Variants in ITPR3 observed in about 807,000 individuals in gnomAD.
ITPR3 encodes inositol 1,4,5-trisphosphate receptor type 3.
A neutral mutation model predicts 293.2 loss-of-function variants in ITPR3; 173 were observed. The observed-to-expected ratio is 0.59, with a 90% CI of 0.52 to 0.67. The LOEUF is 0.67. ITPR3 is among the 30% of genes least tolerant of loss of function. The pLI is 0.00. For missense variants in ITPR3, 2,796 were observed against 3,592.1 expected, an observed-to-expected ratio of 0.78 and a Z score of 5.66; for synonymous variants, 1,295 against 1,444.4, an observed-to-expected ratio of 0.90 and a Z score of 2.35.
At chr6:33,674,300 G>A (rs756890279) in intron 24 of ITPR3, 35 bp downstream of exon 24, 5 of 1,607,058 alleles carry the variant, frequency 3.1e-6, no homozygotes, top group Middle Eastern at 3.3e-4. Context: ...GGTGTGTGGG[G>A]TTGGGAGGCT....
At chr6:33,657,084 C>T (rs533741291) in intron 3 of ITPR3, among the ~76,000 whole-genome samples, 40 of 152,332 alleles carry the variant, frequency 2.6e-4, no homozygotes, top group African/African-American at 9.1e-4. Flanking sequence ...CACACAGCCA[C>T]ATGCTGTTGC....
At position 33,683,476 on chromosome 6, in the gene ITPR3, T is replaced by C; in HGVS notation, c.4788+79T>C. 1 of 1,212,270 alleles carries C rather than the reference T, an allele frequency of 8.2e-7. No individual in the cohort carries two copies. The allele number at this position is 1,212,270 out of a possible 1,614,324, so 75.1% of individuals were successfully genotyped here. A position where few individuals can be genotyped will look rare whatever the true frequency, so the allele number is the denominator to read the frequency against. Reference sequence around the variant, plus strand: ...AGCTCCCCTACTTTGGAGGGGCAAGTTCTCGGGGAGTGTTTCTTCCTGTCC... The same window carrying C: ...AGCTCCCCTACTTTGGAGGGGCAAGCTCTCGGGGAGTGTTTCTTCCTGTCC... On this transcript the variant is annotated intron_variant, in intron 35 of 57. Coordinates refer to ENST00000605930, the MANE Select transcript of ITPR3 (RefSeq NM_002224.4). The surrounding 1 kb of genome is among the most constrained non-coding windows in gnomAD (Gnocchi z 4.5).
rs1387415443 is a variant in ITPR3 at position 33,670,088 on chromosome 6, G to A, written c.2190-237G>A. On this transcript the variant is annotated intron_variant, in intron 18 of 57. Transcript: ENST00000605930. The surrounding 1 kb of genome is among the most constrained non-coding windows in gnomAD (Gnocchi z 6.7). ...CCACCCTTTCCCTCATCTTTCAGAC[G>A]TCCCTCTTCCCATGAAGACCTGTCC... Among the ~76,000 whole-genome samples the A allele has an allele frequency of 1.3e-5, 2 of 151,594 alleles. No individual in the cohort carries two copies. The highest frequency in any genetic ancestry group is 1.9e-4 in the East Asian group (1 of 5,160).
chr6:33,671,095 TG>T (rs1462036445), intron 20 of ITPR3, 69 bp from the exon 21 acceptor site: 30 of 1,593,406 alleles, frequency 1.9e-5, no homozygotes, highest in Non-Finnish European at 2.4e-5. Context: ...AGTCCTGGCC[TG>T]CCCTCCACGA....
intron 25 of ITPR3, 144 bp from the exon 26 acceptor site, chr6:33,676,624 A>G (rs971297002): frequency 1.5e-4 from 149 of 976,686 alleles, no homozygotes; most frequent in Non-Finnish European, 2.6e-5. Flanking sequence ...AGAGCCAGAA[A>G]CATTGAGTGG....
Position 33,633,394 on chromosome 6 carries a change from C to G in ITPR3, c.90-7090C>G, listed in dbSNP as rs1763729127. Among the ~76,000 whole-genome samples the G allele has an allele frequency of 6.6e-6, 1 of 152,186 alleles. No homozygotes were observed. Among genetic ancestry groups the G allele is most frequent in the South Asian group, 2.1e-4 (1 of 4,830 alleles). On this transcript the variant is annotated intron_variant, in intron 1 of 57. Transcript: ENST00000605930. The surrounding 1 kb of genome is among the most constrained non-coding windows in gnomAD (Gnocchi z 5.2). ...TAGAGCGCGGCTCTGGTTTCAGCGC[C>G]CGGTGCGCACTCAGCAGGGCACCTG...
chr6:33,677,383 G>T (rs535991185), intron 27 of ITPR3, 121 bp from the exon 28 acceptor site: 12 of 1,385,732 alleles, frequency 8.7e-6, no homozygotes, highest in Non-Finnish European at 1.2e-5. Context: ...CTGATTCAGC[G>T]CCTGTGACCT....
Position 33,682,754 on chromosome 6 carries a change from C to T in ITPR3, c.4597+110C>T. 1 of 1,373,804 alleles carries T rather than the reference C, an allele frequency of 7.3e-7. No homozygotes were observed. The highest frequency in any genetic ancestry group is 9.6e-7 in the Non-Finnish European group (1 of 1,043,028). 85.1% of individuals were successfully genotyped at this position (1,373,804 alleles called of 1,614,324 possible). A position where few individuals can be genotyped will look rare whatever the true frequency, so the allele number is the denominator to read the frequency against. ...TATCCCTAAGCTCGCCCATCTCCTG[C>T]TCCCAGGTGGTTGTCAGTAAGTTCT... is the stretch of plus-strand genomic sequence containing the variant. On this transcript the variant is annotated intron_variant, in intron 34 of 57. Coordinates refer to ENST00000605930, the MANE Select transcript of ITPR3 (RefSeq NM_002224.4). This position sits in a 1 kb window ranked among gnomAD's most constrained non-coding sequence, Gnocchi z 5.4.
chr6:33,662,895 A>T lies in ITPR3; in HGVS notation c.859-16A>T, dbSNP rs199662702. 3.2e-6 allele frequency: 5 copies of T among 1,575,084 alleles called. No homozygotes were observed. On this transcript the variant is annotated splice_polypyrimidine_tract_variant and intron_variant, in intron 8 of 57. Transcript: ENST00000605930. ...GTCCAGTCTCTCCTTCCTGCCTCACACCTGTGTGCCCCTAGGTGGTCCACC... is the reference window on the plus strand; with the variant it reads ...GTCCAGTCTCTCCTTCCTGCCTCACTCCTGTGTGCCCCTAGGTGGTCCACC...
In ITPR3 at chr6:33,658,141, G is replaced by A. The variant is rs1190888830; in HGVS notation, c.369+123G>A. On this transcript the variant is annotated intron_variant, in intron 4 of 57. Coordinates refer to ENST00000605930, the MANE Select transcript of ITPR3 (RefSeq NM_002224.4). This position sits in a 1 kb window ranked among gnomAD's most constrained non-coding sequence, Gnocchi z 6.1. ...CATGTGTGTCCCCGGGTGAATGAGTGGCCCTGGGGCCACCTGTGTGGCTGT... is the reference window on the plus strand; with the variant it reads ...CATGTGTGTCCCCGGGTGAATGAGTAGCCCTGGGGCCACCTGTGTGGCTGT... 2 of 785,782 alleles carry A rather than the reference G, an allele frequency of 2.5e-6. No individual in the cohort carries two copies. The highest frequency in any genetic ancestry group is 2.1e-5 in the Admixed American group (1 of 48,622). 48.7% of individuals were successfully genotyped at this position (785,782 alleles called of 1,614,324 possible). A position where few individuals can be genotyped will look rare whatever the true frequency, so the allele number is the denominator to read the frequency against.
Position 33,664,851 on chromosome 6 carries a change from C to G in ITPR3, c.1149-19C>G, listed in dbSNP as rs372125305. The G allele has an allele frequency of 6.2e-7, 1 of 1,611,042 alleles. No individual in the cohort carries two copies. Among genetic ancestry groups the G allele is most frequent in the Admixed American group, 1.7e-5 (1 of 59,948 alleles). ...CTGTGGTGCACTCCCCGAGTCCTTT[C>G]CCTCCCACCCACCTGCAGGAACTCG... On this transcript the variant is annotated intron_variant, in intron 11 of 57. Coordinates refer to ENST00000605930, the MANE Select transcript of ITPR3 (RefSeq NM_002224.4). The surrounding 1 kb of genome is among the most constrained non-coding windows in gnomAD (Gnocchi z 4.4).
In ITPR3 at chr6:33,621,408, T is replaced by C; in HGVS notation, c.-195T>C. 1 of 389,560 alleles carries C rather than the reference T, an allele frequency of 2.6e-6. No individual in the cohort carries two copies. The highest frequency in any genetic ancestry group is 4.6e-6 in the Non-Finnish European group (1 of 217,734). The allele number at this position is 389,560 out of a possible 1,614,324, so 24.1% of individuals were successfully genotyped here. On this transcript the variant is annotated 5_prime_UTR_variant, in exon 1 of 58. Coordinates refer to ENST00000605930, the MANE Select transcript of ITPR3 (RefSeq NM_002224.4). This position sits in a 1 kb window ranked among gnomAD's most constrained non-coding sequence, Gnocchi z 7.7. ...GGCGCGCCAAGACGTGGGCACCTCC[T>C]CACCCGGACCCCGGGCCCCGCCGAG...
chr6:33,687,172 G>C lies in ITPR3; in HGVS notation c.6076-54G>C. Reference sequence around the variant, plus strand: ...TGTGTTGGGATGGGGATGAGGGCCCGGCTGGCCCTACCGCCCTAGGAAGAG... The same window carrying C: ...TGTGTTGGGATGGGGATGAGGGCCCCGCTGGCCCTACCGCCCTAGGAAGAG... On this transcript the variant is annotated intron_variant, in intron 44 of 57. Coordinates refer to ENST00000605930, the MANE Select transcript of ITPR3 (RefSeq NM_002224.4). This position sits in a 1 kb window ranked among gnomAD's most constrained non-coding sequence, Gnocchi z 5.3. 6.3e-7 allele frequency: 1 copy of C among 1,596,880 alleles called. No individual in the cohort carries two copies. Among genetic ancestry groups the C allele is most frequent in the Non-Finnish European group, 8.6e-7 (1 of 1,165,124 alleles).
rs1765169655 is a variant in ITPR3 at position 33,684,525 on chromosome 6, G to T, written c.5046+60G>T. 1 of 1,606,056 alleles carries T rather than the reference G, an allele frequency of 6.2e-7. No homozygotes were observed. Among genetic ancestry groups the T allele is most frequent in the Non-Finnish European group, 8.5e-7 (1 of 1,172,770 alleles). On this transcript the variant is annotated intron_variant, in intron 37 of 57. Transcript: ENST00000605930. The surrounding 1 kb of genome is among the most constrained non-coding windows in gnomAD (Gnocchi z 4.2). ...CAGTCAGGAGTACCCAGGGGCTCAG[G>T]GTCAAGCCCGTCAGGCCAGTGGTCA...
Position 33,633,450 on chromosome 6 carries a change from C to T in ITPR3, c.90-7034C>T, listed in dbSNP as rs1251907525. Among the ~76,000 whole-genome samples, 2 of 152,282 alleles carry T rather than the reference C, an allele frequency of 1.3e-5. No individual in the cohort carries two copies. The highest frequency in any genetic ancestry group is 2.9e-5 in the Non-Finnish European group (2 of 68,002). ...CGGCTAGTTTGATAAACACAGGTGCCCGCCATGAGGAAGAGTCGGGGTGGG... is the reference window on the plus strand; with the variant it reads ...CGGCTAGTTTGATAAACACAGGTGCTCGCCATGAGGAAGAGTCGGGGTGGG... On this transcript the variant is annotated intron_variant, in intron 1 of 57. Coordinates refer to ENST00000605930, the MANE Select transcript of ITPR3 (RefSeq NM_002224.4). The surrounding 1 kb of genome is among the most constrained non-coding windows in gnomAD (Gnocchi z 5.2).
At position 33,633,001 on chromosome 6, in the gene ITPR3, G is replaced by T. The variant is rs1763719050; in HGVS notation, c.90-7483G>T. On this transcript the variant is annotated intron_variant, in intron 1 of 57. Coordinates refer to ENST00000605930, the MANE Select transcript of ITPR3 (RefSeq NM_002224.4). This position sits in a 1 kb window ranked among gnomAD's most constrained non-coding sequence, Gnocchi z 5.2. ...CTCAGGGGTTCCATCCACTCTGTGG[G>T]CCTCACTCTGGACTGTGGTAAGAAC... 6.6e-6 allele frequency among the ~76,000 whole-genome samples: 1 copy of T among 152,208 alleles called. No homozygotes were observed. The highest frequency in any genetic ancestry group is 1.5e-5 in the Non-Finnish European group (1 of 68,034).
chr6:33,668,763 C>A, intron 17 of ITPR3, 129 bp downstream of exon 17: 3 of 1,436,644 alleles, frequency 2.1e-6, no homozygotes, highest in Non-Finnish European at 2.9e-6. Flanking sequence ...GAACTCTGTG[C>A]CTGTTATGTG....
intron 49 of ITPR3, 76 bp downstream of exon 49, chr6:33,688,857 G>A (rs1765312138): frequency 6.3e-7 from 1 of 1,594,994 alleles, no homozygotes; most frequent in Non-Finnish European, 8.6e-7. Flanking sequence ...AGAGCCTTGA[G>A]GCCAGCTGGC....
chr6:33,670,843 G>A lies in ITPR3; in HGVS notation c.2586+28G>A, dbSNP rs760786158. 3 of 1,608,644 alleles carry A rather than the reference G, an allele frequency of 1.9e-6. No homozygotes were observed. Among genetic ancestry groups the A allele is most frequent in the Non-Finnish European group, 2.5e-6 (3 of 1,178,448 alleles). On this transcript the variant is annotated intron_variant, in intron 20 of 57. Coordinates refer to ENST00000605930, the MANE Select transcript of ITPR3 (RefSeq NM_002224.4). This position sits in a 1 kb window ranked among gnomAD's most constrained non-coding sequence, Gnocchi z 6.7. ...GGCTGGGGGAGTGCCCAGGGGCTGG[G>A]GGTCCGTGGAGCTCTTGTTGGCCCC...
Sources: gnomAD v4.1 joint callset for allele counts (sites outside exome capture counted in the v4.1 genomes callset) on GRCh38, gnomAD v4.1.1 for gene constraint, Gnocchi (gnomAD v3.1) non-coding constraint, MANE v1.5 for transcripts, NCBI Gene and HGNC (gene_info 2026-07-23, HGNC 2026-07-21) for gene names.